Variants in ARL13B observed in about 807,000 individuals in gnomAD.
ARL13B encodes ADP-ribosylation factor-like protein 13B.
A neutral mutation model predicts 56.1 loss-of-function variants in ARL13B; 36 were observed. That is an observed-to-expected ratio of 0.64 (90% CI 0.49 to 0.85). The LOEUF (loss-of-function observed/expected upper bound fraction) is 0.85, where lower values mean the gene tolerates loss of function less well. Among genes scored for constraint, ARL13B ranks in the 40% least tolerant of loss-of-function variants. The pLI, the probability that ARL13B is intolerant of heterozygous loss-of-function variation, is 0.00. For missense variants in ARL13B, 519 were observed against 507.1 expected (o/e 1.02, Z -0.23); for synonymous variants, 178 against 171.1 (o/e 1.04, Z -0.32).
At chr3:94,017,569 TATATG>T (rs543032868) in intron 3 of ARL13B, among the ~76,000 whole-genome samples, 113 of 152,356 alleles carry the variant, frequency 7.4e-4, no homozygotes, top group African/African-American at 2.6e-3. Context: ...ATTGAAGTCT[TATATG>T]TATATAAGTT....
intron 3 of ARL13B, among the ~76,000 whole-genome samples, chr3:94,009,501 A>G (rs950893126): frequency 6.6e-6 from 1 of 152,060 alleles, no homozygotes; most frequent in African/African-American, 2.4e-5. Context: ...ATTGAATCAA[A>G]CATACTTTTA....
intron 3 of ARL13B, among the ~76,000 whole-genome samples, chr3:94,021,201 A>AAT: frequency 7.1e-6 from 1 of 141,660 alleles, no homozygotes; most frequent in Non-Finnish European, 1.6e-5. Context: ...TATATATATA[A>AAT]TTTTTTTTTT....
Position 94,039,499 on chromosome 3 carries a change from C to CAA in ARL13B, c.690-361_690-360dup, listed in dbSNP as rs11437061. On this transcript the variant is annotated intron_variant, in intron 5 of 9. Transcript: ENST00000394222. ...TGGGCGAGAATGCAAGACTCCGACT[C>CAA]AAAAAAAAAAAAAAAAAAAAAGAAT... Among the ~76,000 whole-genome samples the CAA allele has an allele frequency of 5.4e-3, 350 of 64,928 alleles. 14 individuals are homozygous for CAA. The highest frequency in any genetic ancestry group is 0.021 in the Middle Eastern group (2 of 94). 42.6% of individuals were successfully genotyped at this position (64,928 alleles called of 152,430 possible).
At chr3:94,034,604 A>G (rs534802877) in intron 3 of ARL13B, among the ~76,000 whole-genome samples, 113 of 152,010 alleles carry the variant, frequency 7.4e-4, no homozygotes, top group African/African-American at 2.7e-3. Context: ...ACATTCACAC[A>G]TTAGAATTGT....
At chr3:94,001,517 G>T (rs1052471404) in intron 2 of ARL13B, among the ~76,000 whole-genome samples, 1 of 152,048 alleles carries the variant, frequency 6.6e-6, no homozygotes, top group Non-Finnish European at 1.5e-5. Flanking sequence ...AGCCTTTCTA[G>T]ACCATAACTT....
At chr3:93,998,422 A>T (rs2076001437) in intron 2 of ARL13B, among the ~76,000 whole-genome samples, 1 of 152,086 alleles carries the variant, frequency 6.6e-6, no homozygotes, top group East Asian at 1.9e-4. Flanking sequence ...TTCAACTTCG[A>T]GCCCCACTCC....
At chr3:94,051,937 A>G (rs1317054188) in intron 9 of ARL13B, among the ~76,000 whole-genome samples, 3 of 151,506 alleles carry the variant, frequency 2.0e-5, no homozygotes, top group Non-Finnish European at 4.4e-5. Context: ...TTTTTTAAAG[A>G]CAGAAAAGTT....
Position 94,035,372 on chromosome 3 carries a change from C to G in ARL13B, c.422C>G (p.Ala141Gly), listed in dbSNP as rs529580146. ...KQDKEGALGE[A>G]DVIECLSLEK... The stretch of plus-strand genomic sequence containing the variant: ...GATAAAGAAGGAGCTTTAGGAGAAG[C>G]TGATGTCATTGAATGTCTATCTCTG... Residue 141 changes from alanine (A) to glycine (G), a missense_variant, in exon 4 of 10, where the codon GCT (alanine) becomes GGT (glycine). Physicochemically the swap from Ala to Gly is moderately conservative, Grantham distance 60. Transcript: ENST00000394222. 135 of 1,609,404 alleles carry G rather than the reference C, an allele frequency of 8.4e-5. 3 individuals are homozygous for G. The South Asian group carries it at 1.4e-3, about 17-fold the overall frequency.
chr3:93,982,215 A>G (rs1281574489), intron 1 of ARL13B, among the ~76,000 whole-genome samples: 2 of 152,240 alleles, frequency 1.3e-5, no homozygotes, highest in African/African-American at 2.4e-5. Context: ...AGAAGAGTTC[A>G]GAGAAAGGAG....
Position 94,053,224 on chromosome 3 carries a change from A to C in ARL13B, c.1248A>C (p.Pro416=), listed in dbSNP as rs753337159. 1.2e-6 allele frequency: 2 copies of C among 1,613,344 alleles called. No homozygotes were observed. The highest frequency in any genetic ancestry group is 1.7e-5 in the Admixed American group (1 of 59,994). The part of the protein sequence containing the change: ...YRKPLPPLAV[P]QRPNSDAHDV... ...AGCCACTGCCTCCCCTGGCTGTGCC[A>C]CAGCGACCTAACAGTGATGCTCATG... Residue 416 remains proline (P), a synonymous_variant, in exon 10 of 10, where the codon CCA becomes CCC. Coordinates refer to ENST00000394222, the MANE Select transcript of ARL13B (RefSeq NM_001174150.2).
chr3:93,984,335 G>A (rs536528948), intron 1 of ARL13B, among the ~76,000 whole-genome samples: 2 of 149,328 alleles, frequency 1.3e-5, no homozygotes, highest in East Asian at 2.0e-4. Flanking sequence ...CAGCCTGGGC[G>A]ACAGAGCAAG....
intron 3 of ARL13B, 88 bp downstream of exon 3, chr3:94,003,996 A>G: frequency 1.3e-6 from 2 of 1,573,164 alleles, no homozygotes; most frequent in Non-Finnish European, 1.7e-6. Context: ...TGAATAAGCT[A>G]AAATAGTCAC....
At chr3:93,994,890 T>A (rs1357760380) in intron 1 of ARL13B, among the ~76,000 whole-genome samples, 1 of 152,084 alleles carries the variant, frequency 6.6e-6, no homozygotes, top group Non-Finnish European at 1.5e-5. Context: ...TTACGGCCAT[T>A]TAAATTCTGT....
intron 1 of ARL13B, chr3:93,988,716 A>G: frequency 2.2e-6 from 1 of 454,742 alleles, no homozygotes; most frequent in South Asian, 1.6e-5. Context: ...CTGCAGGTAA[A>G]TCTTATTTAG....
intron 3 of ARL13B, among the ~76,000 whole-genome samples, chr3:94,016,578 A>T (rs572602358): frequency 9.2e-5 from 14 of 152,196 alleles, no homozygotes; most frequent in African/African-American, 1.4e-4. Flanking sequence ...TTTCGTATCT[A>T]CAGAGTAGAA....
chr3:94,015,110 T>A (rs1200698507), intron 3 of ARL13B: 1 of 1,613,926 alleles, frequency 6.2e-7, no homozygotes, highest in Non-Finnish European at 8.5e-7. Context: ...AGTTTTTGGA[T>A]TTCATGTAGG....
rs545330073 is a variant in ARL13B, at chr3:94,020,827, C to T, written c.381-14504C>T. 4.1e-4 allele frequency among the ~76,000 whole-genome samples: 62 copies of T among 152,198 alleles called. 1 individual carries two copies. Among genetic ancestry groups the T allele is most frequent in the Non-Finnish European group, 1.5e-5 (1 of 68,010 alleles). On this transcript the variant is annotated intron_variant, in intron 3 of 9. Transcript: ENST00000394222. Reference sequence around the variant, plus strand: ...ATACTTAATTCAAATAGCCGGTAATCTTTTGTTTTTGCCACTGATTTGCTA... The same window carrying T: ...ATACTTAATTCAAATAGCCGGTAATTTTTTGTTTTTGCCACTGATTTGCTA...
intron 7 of ARL13B, among the ~76,000 whole-genome samples, 200 bp downstream of exon 7, chr3:94,043,440 G>T (rs2076899805): frequency 1.3e-5 from 2 of 149,388 alleles, no homozygotes; most frequent in Admixed American, 1.3e-4. Context: ...CTTAAAATGT[G>T]GTCCTTTGTA....
intron 7 of ARL13B, among the ~76,000 whole-genome samples, chr3:94,046,063 G>A (rs2076979680): frequency 6.7e-6 from 1 of 150,128 alleles, no homozygotes; most frequent in South Asian, 2.1e-4. Flanking sequence ...AAACACAATA[G>A]AGATTCTAGA....
Sources: allele counts gnomAD v4.1 joint callset (sites outside exome capture counted in the v4.1 genomes callset), GRCh38; gene constraint gnomAD v4.1.1; transcripts MANE v1.5; gene names NCBI Gene and HGNC (gene_info 2026-07-23, HGNC 2026-07-21).